Variants in CTXND1 observed in about 807,000 individuals in gnomAD.
CTXND1 encodes cortexin domain-containing 1 protein.
chr15:80,246,121 T>TC (rs140065692), intron 1 of CTXND1, among the ~76,000 whole-genome samples: 2,051 of 152,276 alleles, frequency 0.013, 44 homozygotes, highest in African/African-American at 0.046. Flanking sequence ...AACATTTTCC[T>TC]CCCAAAAAGT....
intron 1 of CTXND1, among the ~76,000 whole-genome samples, chr15:80,231,381 C>G (rs1893427284): frequency 6.6e-6 from 1 of 150,452 alleles, no homozygotes; most frequent in African/African-American, 2.5e-5. Flanking sequence ...CCATTTTTAT[C>G]CTGCATTTAA....
At chr15:80,227,470 G>T in intron 1 of CTXND1, among the ~76,000 whole-genome samples, 1 of 152,080 alleles carries the variant, frequency 6.6e-6, no homozygotes, top group East Asian at 1.9e-4. Flanking sequence ...TAGACATCCG[G>T]CTATATAAGG....
chr15:80,221,193 G>T (rs1449110886), intron 1 of CTXND1, among the ~76,000 whole-genome samples: 1 of 152,166 alleles, frequency 6.6e-6, no homozygotes, highest in Non-Finnish European at 1.5e-5. Context: ...ACAGGCGTGA[G>T]CCACCACGCC....
intron 1 of CTXND1, among the ~76,000 whole-genome samples, chr15:80,218,316 GT>G (rs1305071455): frequency 6.6e-6 from 1 of 152,000 alleles, no homozygotes; most frequent in East Asian, 1.9e-4. Context: ...TTTAAACAGT[GT>G]TTTGTAGAAG....
chr15:80,251,673 CG>C (rs1281452847), intron 1 of CTXND1, among the ~76,000 whole-genome samples: 1 of 152,198 alleles, frequency 6.6e-6, no homozygotes, highest in East Asian at 1.9e-4. Flanking sequence ...CACACTCTCC[CG>C]GTTTCTGAGC....
At chr15:80,218,199 A>G (rs1893273838) in intron 1 of CTXND1, among the ~76,000 whole-genome samples, 1 of 152,136 alleles carries the variant, frequency 6.6e-6, no homozygotes. Context: ...GCAGTGGCAC[A>G]ATCATAGCTC....
At chr15:80,235,061 C>T (rs1893478642) in intron 1 of CTXND1, among the ~76,000 whole-genome samples, 1 of 152,116 alleles carries the variant, frequency 6.6e-6, no homozygotes. Context: ...GTCTTGCAAC[C>T]AGGGCTCTTC....
chr15:80,239,762 C>T (rs1052419149), intron 1 of CTXND1, among the ~76,000 whole-genome samples: 3 of 152,166 alleles, frequency 2.0e-5, no homozygotes, highest in African/African-American at 7.2e-5. Context: ...TCCACAGAGT[C>T]CAGTCCCTTC....
intron 1 of CTXND1, among the ~76,000 whole-genome samples, chr15:80,212,059 G>A (rs1032486371): frequency 2.0e-4 from 31 of 152,352 alleles, no homozygotes; most frequent in African/African-American, 7.2e-4. Context: ...CATAGCTAAT[G>A]GCTAACTTGT....
intron 1 of CTXND1, among the ~76,000 whole-genome samples, chr15:80,241,643 G>A (rs34648960): frequency 0.14 from 21,334 of 152,170 alleles, 1,791 homozygotes; most frequent in African/African-American, 0.24. Context: ...AGGACAGCAA[G>A]CTCAGCTCTG....
chr15:80,206,500 G>A (rs1357545924), intron 1 of CTXND1, among the ~76,000 whole-genome samples: 1 of 152,070 alleles, frequency 6.6e-6, no homozygotes, highest in Non-Finnish European at 1.5e-5. Flanking sequence ...GAGAGTTGAA[G>A]TAAATATACT....
At position 80,219,164 on chromosome 15, in the gene CTXND1, C is replaced by G. The variant is rs1893286173; in HGVS notation, c.-217-15424G>C. Among the ~76,000 whole-genome samples the G allele has an allele frequency of 2.7e-5, 4 of 150,942 alleles. No individual in the cohort carries two copies. The South Asian group carries it at 8.4e-4, about 32-fold the overall frequency. On this transcript the variant is annotated intron_variant, in intron 1 of 2. Transcript: ENST00000560778. Reference sequence around the variant, plus strand: ...CTCACTACGTTGCCCAGGCTGGTCTCAAACTCCTGGGCTCAAGCAATCCTC... The same window carrying G: ...CTCACTACGTTGCCCAGGCTGGTCTGAAACTCCTGGGCTCAAGCAATCCTC...
intron 1 of CTXND1, among the ~76,000 whole-genome samples, chr15:80,230,744 T>C (rs2142134663): frequency 6.6e-6 from 1 of 152,296 alleles, no homozygotes; most frequent in East Asian, 1.9e-4. Flanking sequence ...TATTTAAAAG[T>C]ATGGGTATTT....
At chr15:80,203,326 C>T (rs1352894536) in intron 2 of CTXND1, among the ~76,000 whole-genome samples, 1 of 152,154 alleles carries the variant, frequency 6.6e-6, no homozygotes, top group Non-Finnish European at 1.5e-5. Flanking sequence ...CATCAATAGG[C>T]CCATTTTATA....
chr15:80,248,873 G>T (rs1893663307), intron 1 of CTXND1, among the ~76,000 whole-genome samples: 1 of 152,170 alleles, frequency 6.6e-6, no homozygotes, highest in Admixed American at 6.5e-5. Flanking sequence ...AAAGAACATT[G>T]TATTTTAATT....
chr15:80,233,982 T>A (rs1893462499), intron 1 of CTXND1, among the ~76,000 whole-genome samples: 1 of 152,142 alleles, frequency 6.6e-6, no homozygotes, highest in African/African-American at 2.4e-5. Context: ...ACCTCCTCCA[T>A]TCCCATTAAC....
chr15:80,203,253 C>G (rs531035171), intron 2 of CTXND1, among the ~76,000 whole-genome samples: 1 of 152,308 alleles, frequency 6.6e-6, no homozygotes, highest in Non-Finnish European at 1.5e-5. Flanking sequence ...GAACTGTACT[C>G]TGTGCTTCGT....
rs575986511 is a variant in CTXND1 at position 80,248,642 on chromosome 15, T to A, written c.-218+3365A>T. On this transcript the variant is annotated intron_variant, in intron 1 of 2. Coordinates refer to ENST00000560778, the MANE Select transcript of CTXND1 (RefSeq NM_001352888.2). ...AAGAGAGGGAGGTGCGACAAATGTATGCCATTAATTTGCAGTTTTCTAGAA... is the reference window on the plus strand; with the variant it reads ...AAGAGAGGGAGGTGCGACAAATGTAAGCCATTAATTTGCAGTTTTCTAGAA... 9.2e-5 allele frequency among the ~76,000 whole-genome samples: 14 copies of A among 152,324 alleles called. No homozygotes were observed. In the South Asian group the frequency reaches 2.9e-3, roughly 32 times the overall value.
chr15:80,239,081 GC>G (rs1323237822), intron 1 of CTXND1, among the ~76,000 whole-genome samples: 1 of 152,218 alleles, frequency 6.6e-6, no homozygotes, highest in African/African-American at 2.4e-5. Flanking sequence ...CAGCGACAGA[GC>G]AGCACAGTGT....
Sources: gnomAD v4.1 joint callset for allele counts (sites outside exome capture counted in the v4.1 genomes callset) on GRCh38, gnomAD v4.1.1 for gene constraint, MANE v1.5 for transcripts, NCBI Gene and HGNC (gene_info 2026-07-23, HGNC 2026-07-21) for gene names.